The following NIPA1 variants were observed in gnomAD, a reference collection of about 807,000 sequenced individuals.
The protein encoded by NIPA1 is NIPA magnesium transporter 1.
NIPA1 carries 13 observed loss-of-function variants against 23.9 expected under a neutral mutation model. The observed-to-expected ratio is 0.54, with a 90% CI of 0.35 to 0.87. The LOEUF (loss-of-function observed/expected upper bound fraction) is 0.87, where lower values mean the gene tolerates loss of function less well. Ranked by LOEUF, NIPA1 falls within the 40% of genes least tolerant of loss-of-function variation. NIPA1 has a pLI of 0.01. For missense variants in NIPA1, 362 were observed against 429.7 expected (o/e 0.84, Z 1.39); for synonymous variants, 234 against 202.9 (o/e 1.15, Z -1.30).
At chr15:22,814,851 C>T (rs911764346) in intron 3 of NIPA1, among the ~76,000 whole-genome samples, 1 of 152,208 alleles carries the variant, frequency 6.6e-6, no homozygotes, top group South Asian at 2.1e-4. Context: ...CTTGCCTCAT[C>T]ATACACTTTC....
chr15:22,811,345 C>G (rs1332164413), intron 2 of NIPA1, among the ~76,000 whole-genome samples: 2 of 152,146 alleles, frequency 1.3e-5, no homozygotes, highest in Non-Finnish European at 2.9e-5. Context: ...TGGTGGCTCA[C>G]GCCTGTAATC....
intron 4 of NIPA1, among the ~76,000 whole-genome samples, chr15:22,822,600 C>T (rs948978716): frequency 3.9e-5 from 6 of 152,060 alleles, no homozygotes; most frequent in Non-Finnish European, 8.8e-5. Flanking sequence ...AGGCCGAGGA[C>T]GGCGGATCAC....
intron 1 of NIPA1, among the ~76,000 whole-genome samples, chr15:22,804,226 C>T (rs1895152885): frequency 1.3e-5 from 2 of 152,066 alleles, no homozygotes; most frequent in Admixed American, 6.6e-5. Context: ...GATTCACCCA[C>T]CTCAGCCTCC....
At chr15:22,803,805 G>A (rs1244426042) in intron 1 of NIPA1, among the ~76,000 whole-genome samples, 12 of 149,384 alleles carry the variant, frequency 8.0e-5, no homozygotes, top group African/African-American at 2.5e-4. Context: ...TCACGCTCCC[G>A]AGTAGCTGGG....
In NIPA1 at chr15:22,824,461, T is replaced by A. The variant is rs1317389857; in HGVS notation, c.*222T>A. On this transcript the variant is annotated 3_prime_UTR_variant, in exon 5 of 5. Transcript: ENST00000337435. This position sits in a 1 kb window ranked among gnomAD's most constrained non-coding sequence, Gnocchi z 4.1. ...CCCAACGGTTGCCTGGCACCATCTC[T>A]CTCTGATGAGACGAATCTCATTTTC... 3.5e-6 allele frequency: 2 copies of A among 567,042 alleles called. No individual in the cohort carries two copies. The highest frequency in any genetic ancestry group is 6.3e-6 in the Non-Finnish European group (2 of 316,846). The allele number at this position is 567,042 out of a possible 1,614,324, so 35.1% of individuals were successfully genotyped here. A position where few individuals can be genotyped will look rare whatever the true frequency, so the allele number is the denominator to read the frequency against.
At chr15:22,791,809 C>T (rs1894833822) in intron 1 of NIPA1, among the ~76,000 whole-genome samples, 1 of 152,284 alleles carries the variant, frequency 6.6e-6, no homozygotes, top group African/African-American at 2.4e-5. Flanking sequence ...CAGCCAGATA[C>T]ACAGTACAAC....
chr15:22,804,730 C>T (rs1293994026), intron 1 of NIPA1, among the ~76,000 whole-genome samples: 1 of 152,168 alleles, frequency 6.6e-6, no homozygotes, highest in Non-Finnish European at 1.5e-5. Context: ...GTGCTTCATT[C>T]AGTCTGTGAT....
intron 1 of NIPA1, among the ~76,000 whole-genome samples, chr15:22,789,326 G>T (rs756760941): frequency 8.5e-5 from 13 of 152,056 alleles, no homozygotes; most frequent in Non-Finnish European, 1.6e-4. Flanking sequence ...GTGAACTTGT[G>T]ATTTTCATTA....
chr15:22,818,193 C>G (rs1419971312), intron 3 of NIPA1, among the ~76,000 whole-genome samples: 2 of 152,110 alleles, frequency 1.3e-5, no homozygotes, highest in Non-Finnish European at 2.9e-5. Context: ...AATCCCAGCA[C>G]TTTGGGAGGC....
At chr15:22,813,044 G>A (rs1302717923) in intron 3 of NIPA1, among the ~76,000 whole-genome samples, 1 of 152,166 alleles carries the variant, frequency 6.6e-6, no homozygotes, top group African/African-American at 2.4e-5. Context: ...TATGACTGAC[G>A]CAGTCAATAG....
In NIPA1 at chr15:22,807,782, T is replaced by TTGTGTGTGTGTGTG. The variant is rs71117484; in HGVS notation, c.179-2958_179-2945dup. On this transcript the variant is annotated intron_variant, in intron 1 of 4. Coordinates refer to ENST00000337435, the MANE Select transcript of NIPA1 (RefSeq NM_144599.5). ...TAATTTCCACAGAGTTTAAATTCAC[T>TTGTGTGTGTGTGTG]TGTGTGTGTGTGTGTGTGTGTGATG... Among the ~76,000 whole-genome samples the TTGTGTGTGTGTGTG allele has an allele frequency of 9.7e-4, 142 of 145,928 alleles. 2 individuals are homozygous for TTGTGTGTGTGTGTG. Among genetic ancestry groups the TTGTGTGTGTGTGTG allele is most frequent in the African/African-American group, 3.0e-3 (115 of 38,052 alleles).
intron 1 of NIPA1, among the ~76,000 whole-genome samples, chr15:22,807,799 T>TGTGTGTGTGTGTGTGTGTGA (rs140818178): frequency 0.011 from 1,731 of 151,870 alleles, 39 homozygotes; most frequent in African/African-American, 0.04. Flanking sequence ...TGTGTGTGTG[T>TGTGTGTGTGTGTGTGTGTGA]GTGTGATGGA....
Position 22,826,351 on chromosome 15 carries a change from A to G in NIPA1, c.*2112A>G, listed in dbSNP as rs566155443. 5.9e-5 allele frequency: 9 copies of G among 152,278 alleles called. No individual in the cohort carries two copies. The highest frequency in any genetic ancestry group is 2.2e-4 in the African/African-American group (9 of 41,564). The allele number at this position is 152,278 out of a possible 1,614,324, so 9.4% of individuals were successfully genotyped here. A position where few individuals can be genotyped will look rare whatever the true frequency, so the allele number is the denominator to read the frequency against. ...CATTACTCTTTTTATTGGCTCTTGC[A>G]GGTTTTGTGTTTTATCATCAGTGCT... On this transcript the variant is annotated 3_prime_UTR_variant, in exon 5 of 5. Coordinates refer to ENST00000337435, the MANE Select transcript of NIPA1 (RefSeq NM_144599.5).
intron 3 of NIPA1, among the ~76,000 whole-genome samples, chr15:22,812,615 A>G (rs1255341420): frequency 6.6e-6 from 1 of 151,764 alleles, no homozygotes; most frequent in Non-Finnish European, 1.5e-5. Flanking sequence ...ATGGCACCAC[A>G]GCACTCCAGC....
At chr15:22,800,829 G>T (rs186895682) in intron 1 of NIPA1, among the ~76,000 whole-genome samples, 1 of 152,090 alleles carries the variant, frequency 6.6e-6, no homozygotes, top group African/African-American at 2.4e-5. Flanking sequence ...TACTTGGGAG[G>T]CTGAGGCAGG....
At position 22,820,702 on chromosome 15, in the gene NIPA1, TCCGTGG is replaced by T. The variant is rs145447453; in HGVS notation, c.478+232_478+237del. On this transcript the variant is annotated intron_variant, in intron 4 of 4. Coordinates refer to ENST00000337435, the MANE Select transcript of NIPA1 (RefSeq NM_144599.5). ...TGATCCTCAGGCCCTGCGGGGAGCC[TCCGTGG>T]CCTGGTATTCCTTCGGGTTCTCTTC... Among the ~76,000 whole-genome samples the T allele has an allele frequency of 0.11, 16,615 of 152,078 alleles. 1,383 individuals are homozygous for T. The highest frequency in any genetic ancestry group is 0.42 in the East Asian group (2,131 of 5,110).
chr15:22,788,126 G>A (rs982974067), intron 1 of NIPA1, among the ~76,000 whole-genome samples: 9 of 152,186 alleles, frequency 5.9e-5, no homozygotes, highest in African/African-American at 2.2e-4. Context: ...TTATAAATAG[G>A]ATGGCCTGAG....
chr15:22,804,561 T>G (rs1442130581), intron 1 of NIPA1, among the ~76,000 whole-genome samples: 1 of 152,148 alleles, frequency 6.6e-6, no homozygotes, highest in African/African-American at 2.4e-5. Flanking sequence ...TCTTCTTGTG[T>G]GTTCTTAGAG....
At chr15:22,788,966 C>G (rs1432201809) in intron 1 of NIPA1, among the ~76,000 whole-genome samples, 3 of 139,296 alleles carry the variant, frequency 2.2e-5, no homozygotes, top group African/African-American at 7.9e-5. Flanking sequence ...TACCTATATA[C>G]TATGCTTTCA....
Sources: gnomAD v4.1 joint callset for allele counts (sites outside exome capture counted in the v4.1 genomes callset) on GRCh38, gnomAD v4.1.1 for gene constraint, Gnocchi (gnomAD v3.1) non-coding constraint, MANE v1.5 for transcripts, NCBI Gene and HGNC (gene_info 2026-07-23, HGNC 2026-07-21) for gene names.